Variants in MYO1B observed in about 807,000 individuals in gnomAD.
MYO1B encodes the protein myosin IB, also known as unconventional myosin-Ib.
Under a neutral mutation model 159.7 loss-of-function variants are expected in MYO1B, and 72 were observed. The ratio of observed to expected loss-of-function variants is 0.45; its 90% CI spans 0.37 to 0.55. The LOEUF is 0.55. Among genes scored for constraint, MYO1B ranks in the 20% least tolerant of loss-of-function variants. The pLI is 0.00. For synonymous variants in MYO1B, 468 were observed against 473.8 expected (o/e 0.99, Z 0.16); for missense variants, 1,062 against 1,364.8 (o/e 0.78, Z 3.50).
In MYO1B at chr2:191,343,111, C is replaced by G. The variant is rs569819958; in HGVS notation, c.451+1546C>G. 1.1e-4 allele frequency among the ~76,000 whole-genome samples: 17 copies of G among 152,234 alleles called. No homozygotes were observed. In the East Asian group the frequency reaches 2.9e-3, roughly 26 times the overall value. ...GTTGCACCCCTGCCCCTAGTTGTTACAGTTGAAAGTATCTCCAGACATTGT... is the reference window on the plus strand; with the variant it reads ...GTTGCACCCCTGCCCCTAGTTGTTAGAGTTGAAAGTATCTCCAGACATTGT... On this transcript the variant is annotated intron_variant, in intron 5 of 30. Coordinates refer to ENST00000392318, the MANE Select transcript of MYO1B (RefSeq NM_001130158.3).
rs1159016855 is a variant in MYO1B, at chr2:191,418,482, A to ATTTTTTTTTTT, written c.3287+2254_3287+2264dup. Among the ~76,000 whole-genome samples the ATTTTTTTTTTT allele has an allele frequency of 1.5e-4, 12 of 81,044 alleles. 2 individuals carry two copies. Among genetic ancestry groups the ATTTTTTTTTTT allele is most frequent in the Non-Finnish European group, 2.2e-4 (10 of 45,764 alleles). 53.2% of individuals were successfully genotyped at this position (81,044 alleles called of 152,430 possible). On this transcript the variant is annotated intron_variant, in intron 30 of 30. Transcript: ENST00000392318. ...CAAAGTCCTGTTTACTCTTTAGTGG[A>ATTTTTTTTTTT]TTTTTTTTTTTTTTTTTTTTTTTTG...
At position 191,390,466 on chromosome 2, in the gene MYO1B, A is replaced by G; in HGVS notation, c.1956A>G (p.Thr652=). 6.2e-7 allele frequency: 1 copy of G among 1,614,102 alleles called. No homozygotes were observed. Among genetic ancestry groups the G allele is most frequent in the Non-Finnish European group, 8.5e-7 (1 of 1,179,994 alleles). The part of the protein sequence containing the change: ...LERYKMLCKQ[T]WPHWKGPARS... Reference sequence around the variant, plus strand: ...GATACAAAATGCTTTGTAAACAAACATGGCCTCATTGGAAAGGACCAGCCA... The same window carrying G: ...GATACAAAATGCTTTGTAAACAAACGTGGCCTCATTGGAAAGGACCAGCCA... Residue 652 remains threonine, a synonymous_variant, in exon 18 of 31, where the codon ACA becomes ACG. Coordinates refer to ENST00000392318, the MANE Select transcript of MYO1B (RefSeq NM_001130158.3).
intron 7 of MYO1B, 170 bp downstream of exon 7, chr2:191,350,395 A>G (rs1692834696): frequency 4.5e-6 from 2 of 446,836 alleles, no homozygotes; most frequent in African/African-American, 2.0e-5. Flanking sequence ...AATGTAATTT[A>G]TAAATCTTTT....
intron 4 of MYO1B, among the ~76,000 whole-genome samples, chr2:191,330,281 A>G (rs1691384582): frequency 6.6e-6 from 1 of 152,132 alleles, no homozygotes; most frequent in Non-Finnish European, 1.5e-5. Context: ...TAGTCTCTGG[A>G]TGGTGCAAGA....
Position 191,346,405 on chromosome 2 carries a change from A to G in MYO1B, c.498+123A>G, listed in dbSNP as rs911238254. 57 of 630,590 alleles carry G rather than the reference A, an allele frequency of 9.0e-5. 1 individual carries two copies. The Middle Eastern group carries it at 1.3e-3, about 15-fold the overall frequency. The allele number at this position is 630,590 out of a possible 1,614,324, so 39.1% of individuals were successfully genotyped here. A position where few individuals can be genotyped will look rare whatever the true frequency, so the allele number is the denominator to read the frequency against. ...TTAAAATAAGAGGAACATCATCTCT[A>G]TTGAAACACAAAGTTCTATAAGGAC... On this transcript the variant is annotated intron_variant, in intron 6 of 30. Transcript: ENST00000392318.
At chr2:191,330,222 G>C (rs1036812146) in intron 4 of MYO1B, among the ~76,000 whole-genome samples, 193 bp downstream of exon 4, 1 of 152,144 alleles carries the variant, frequency 6.6e-6, no homozygotes, top group Non-Finnish European at 1.5e-5. Flanking sequence ...TATCCAAGGG[G>C]ATTCCAACCA....
At chr2:191,343,259 G>A (rs530067685) in intron 5 of MYO1B, among the ~76,000 whole-genome samples, 5 of 152,144 alleles carry the variant, frequency 3.3e-5, no homozygotes, top group Admixed American at 2.0e-4. Context: ...GATTCAACAC[G>A]GATTAAAGCA....
At chr2:191,300,639 C>CT (rs1233709923) in intron 3 of MYO1B, among the ~76,000 whole-genome samples, 8 of 66,912 alleles carry the variant, frequency 1.2e-4, no homozygotes, top group Admixed American at 4.7e-4. Context: ...TGTGCGCAGC[C>CT]TTTTTTTTTT....
intron 1 of MYO1B, chr2:191,245,832 G>C (rs1447523420): frequency 2.0e-5 from 3 of 151,896 alleles, no homozygotes; most frequent in Non-Finnish European, 4.4e-5. Context: ...GAGGGTGGTC[G>C]TGACTCCGCA....
intron 1 of MYO1B, chr2:191,247,938 ACCCT>A (rs1242842151): frequency 1.0e-6 from 1 of 985,252 alleles, no homozygotes; most frequent in African/African-American, 1.7e-5. Flanking sequence ...AGACTAACTT[ACCCT>A]GATTGCTGCA....
Position 191,411,089 on chromosome 2 carries a change from C to T in MYO1B, c.2790C>T (p.Phe930=), listed in dbSNP as rs1559245755. The change falls in exon 27 of 31, where the codon TTC becomes TTT. Residue 930 remains phenylalanine (F), a synonymous_variant. Coordinates refer to ENST00000392318, the MANE Select transcript of MYO1B (RefSeq NM_001130158.3). ...AGTGTAAAAAATACAGGGACCAATT[C>T]ACAGACCAGCAGAAACTTATTTATG... ...LWRCKKYRDQ[F]TDQQKLIYEE... The T allele has an allele frequency of 6.2e-7, 1 of 1,609,710 alleles. No homozygotes were observed. Among genetic ancestry groups the T allele is most frequent in the South Asian group, 1.1e-5 (1 of 89,880 alleles).
At chr2:191,393,756 G>A (rs748168296) in intron 20 of MYO1B, among the ~76,000 whole-genome samples, 7 of 152,106 alleles carry the variant, frequency 4.6e-5, no homozygotes, top group Non-Finnish European at 1.0e-4. Context: ...ATTAACTATA[G>A]GGAAAGATTC....
At position 191,411,115 on chromosome 2, in the gene MYO1B, A is replaced by G. The variant is rs1401680079; in HGVS notation, c.2816A>G (p.Glu939Gly). The change falls in exon 27 of 31, where the codon GAA (glutamate) becomes GGA (glycine). Residue 939 changes from glutamate to glycine, a missense_variant. By Grantham distance (98) the Glu-to-Gly change is moderately conservative. Coordinates refer to ENST00000392318, the MANE Select transcript of MYO1B (RefSeq NM_001130158.3). Reference sequence around the variant, plus strand: ...ACAGACCAGCAGAAACTTATTTATGAAGAGAAACTAGAAGCCAGTGAACTC... The same window carrying G: ...ACAGACCAGCAGAAACTTATTTATGGAGAGAAACTAGAAGCCAGTGAACTC... ...QFTDQQKLIY[E>G]EKLEASELFK... The G allele has an allele frequency of 6.2e-7, 1 of 1,612,640 alleles. No individual in the cohort carries two copies. Among genetic ancestry groups the G allele is most frequent in the East Asian group, 2.2e-5 (1 of 44,752 alleles).
At chr2:191,360,044 G>A (rs966543364) in intron 7 of MYO1B, among the ~76,000 whole-genome samples, 2 of 152,062 alleles carry the variant, frequency 1.3e-5, no homozygotes, top group Admixed American at 6.6e-5. Context: ...CAAACTCTAC[G>A]TTGCTTCTCC....
At chr2:191,274,701 T>C (rs909119459) in intron 1 of MYO1B, among the ~76,000 whole-genome samples, 5 of 152,146 alleles carry the variant, frequency 3.3e-5, no homozygotes, top group African/African-American at 9.7e-5. Flanking sequence ...TTGTGACAAA[T>C]GGTCCTCTCC....
intron 11 of MYO1B, among the ~76,000 whole-genome samples, chr2:191,365,688 A>G (rs1693963605): frequency 6.6e-6 from 1 of 152,198 alleles, no homozygotes; most frequent in Non-Finnish European, 1.5e-5. Flanking sequence ...GGAAGACCCC[A>G]TGGAAACAAT....
chr2:191,262,549 A>G (rs1686882040), intron 1 of MYO1B, among the ~76,000 whole-genome samples: 1 of 152,146 alleles, frequency 6.6e-6, no homozygotes. Context: ...AGTTGTTGCC[A>G]TCTTGATGTG....
At chr2:191,255,777 C>T (rs1386820723) in intron 1 of MYO1B, among the ~76,000 whole-genome samples, 15 of 151,216 alleles carry the variant, frequency 9.9e-5, no homozygotes, top group Admixed American at 9.2e-4. Flanking sequence ...CTGCCCACAC[C>T]CCTACCCCCT....
At chr2:191,413,981 G>A in intron 27 of MYO1B, 67 bp from the exon 28 acceptor site, 2 of 1,518,248 alleles carry the variant, frequency 1.3e-6, no homozygotes, top group South Asian at 1.3e-5. Context: ...CAACTGACCT[G>A]TTTCCTTTTT....
Sources: allele counts gnomAD v4.1 joint callset (sites outside exome capture counted in the v4.1 genomes callset), GRCh38; gene constraint gnomAD v4.1.1; transcripts MANE v1.5; gene names NCBI Gene and HGNC (gene_info 2026-07-23, HGNC 2026-07-21).